Variants in DGKB observed in about 807,000 individuals in gnomAD.
The protein encoded by DGKB is diacylglycerol kinase beta, also known as 90 kDa diacylglycerol kinase.
A neutral mutation model predicts 114.3 loss-of-function variants in DGKB; 67 were observed. That is an observed-to-expected ratio of 0.59 (90% CI 0.48 to 0.72). The LOEUF (loss-of-function observed/expected upper bound fraction) is 0.72. DGKB is among the 30% of genes least tolerant of loss of function. DGKB has a pLI of 0.00. For synonymous variants in DGKB, 398 were observed against 323.1 expected, an observed-to-expected ratio of 1.23 and a Z score of -2.49; for missense variants, 907 against 975.2, an observed-to-expected ratio of 0.93 and a Z score of 0.93.
Position 14,730,003 on chromosome 7 carries a change from G to T in DGKB, c.322+6038C>A, listed in dbSNP as rs201420080. On this transcript the variant is annotated intron_variant, in intron 5 of 25. Coordinates refer to ENST00000402815, the MANE Select transcript of DGKB (RefSeq NM_001350709.2). ...TTCTTTCTTATAAAACAATTAGGAA[G>T]AAACAACAACAAAAACTGTTACGCT... Among the ~76,000 whole-genome samples the T allele has an allele frequency of 7.2e-5, 11 of 152,096 alleles. No individual in the cohort carries two copies. The East Asian group carries it at 2.1e-3, about 29-fold the overall frequency.
intron 9 of DGKB, among the ~76,000 whole-genome samples, chr7:14,693,832 CA>C (rs1394121854): frequency 2.0e-5 from 3 of 151,862 alleles, no homozygotes; most frequent in Non-Finnish European, 4.4e-5. Context: ...CAGAGGAAAA[CA>C]AAAGAGAGAG....
At chr7:14,616,416 T>C (rs936271051) in intron 15 of DGKB, among the ~76,000 whole-genome samples, 7 of 151,592 alleles carry the variant, frequency 4.6e-5, no homozygotes, top group African/African-American at 1.7e-4. Flanking sequence ...ATCCAATCTG[T>C]CTATGAATTT....
chr7:14,178,414 A>G (rs763039600), intron 23 of DGKB, among the ~76,000 whole-genome samples: 4,923 of 79,316 alleles, frequency 0.062, 87 homozygotes, highest in African/African-American at 0.21. Context: ...TAATACCAAA[A>G]AAAAAAAAAA....
intron 1 of DGKB, among the ~76,000 whole-genome samples, chr7:14,949,138 A>T (rs577896025): frequency 6.6e-6 from 1 of 151,848 alleles, no homozygotes; most frequent in South Asian, 2.1e-4. Flanking sequence ...AAATACGAAA[A>T]AACAGGTATT....
intron 23 of DGKB, among the ~76,000 whole-genome samples, chr7:14,257,718 TA>T (rs1311403289): frequency 1.3e-5 from 2 of 152,088 alleles, no homozygotes; most frequent in Non-Finnish European, 2.9e-5. Flanking sequence ...ATGAGTCTAT[TA>T]AACCTTTTAT....
intron 2 of DGKB, among the ~76,000 whole-genome samples, chr7:14,835,606 G>T (rs1307249412): frequency 6.6e-6 from 1 of 152,118 alleles, no homozygotes; most frequent in African/African-American, 2.4e-5. Context: ...GCTAATCTCA[G>T]CATGACAAAC....
intron 10 of DGKB, among the ~76,000 whole-genome samples, chr7:14,683,277 T>A (rs1821142242): frequency 1.3e-5 from 2 of 152,164 alleles, no homozygotes. Flanking sequence ...TGTTATTTTG[T>A]CTCTTATCTA....
chr7:14,713,769 A>G (rs1827743115), intron 6 of DGKB, among the ~76,000 whole-genome samples: 1 of 151,952 alleles, frequency 6.6e-6, no homozygotes, highest in Admixed American at 6.6e-5. Context: ...CTTACTATTC[A>G]GTCTCCATAT....
At chr7:14,906,017 C>T (rs1161449509), upstream of DGKB, among the ~76,000 whole-genome samples, 1 of 152,116 alleles carries the variant, frequency 6.6e-6, no homozygotes, top group Non-Finnish European at 1.5e-5. Flanking sequence ...CAGAACTGCA[C>T]AATAATGCCT....
chr7:14,405,727 A>G (rs887416362), intron 21 of DGKB, among the ~76,000 whole-genome samples: 5 of 152,058 alleles, frequency 3.3e-5, no homozygotes, highest in Non-Finnish European at 5.9e-5. Flanking sequence ...AGGACTTTGT[A>G]TGTGAGAGAG....
rs940275734 is a variant in DGKB, at chr7:14,944,956, T to C, written c.-188+29740A>G. Among the ~76,000 whole-genome samples, 157 of 151,846 alleles carry C rather than the reference T, an allele frequency of 1.0e-3. 1 individual carries two copies. Among genetic ancestry groups the C allele is most frequent in the African/African-American group, 3.5e-3 (146 of 41,488 alleles). On this transcript the variant is annotated intron_variant, in intron 1 of 4. Transcript: ENST00000437998. The stretch of plus-strand genomic sequence containing the variant: ...ATACCATAATCATATGATTATCACC[T>C]GAAAATAATCTAGTAGAAAAATAAC...
chr7:14,420,063 TATTG>T (rs1214371560), intron 21 of DGKB, among the ~76,000 whole-genome samples: 2 of 152,048 alleles, frequency 1.3e-5, no homozygotes, highest in African/African-American at 2.4e-5. Flanking sequence ...ACATCAATAT[TATTG>T]ATTATTTTAA....
intron 21 of DGKB, among the ~76,000 whole-genome samples, chr7:14,397,817 C>T (rs1822479760): frequency 6.6e-6 from 1 of 151,966 alleles, no homozygotes; most frequent in Non-Finnish European, 1.5e-5. Flanking sequence ...TGAATGCTTT[C>T]TTATGTCAAG....
chr7:14,751,553 A>T (rs1412797699), intron 4 of DGKB, among the ~76,000 whole-genome samples: 3 of 152,216 alleles, frequency 2.0e-5, no homozygotes, highest in African/African-American at 7.2e-5. Context: ...AAGCAGAAAT[A>T]CTGGTTAACA....
At chr7:14,888,737 C>T (rs1283431820) in intron 1 of DGKB, among the ~76,000 whole-genome samples, 1 of 151,670 alleles carries the variant, frequency 6.6e-6, no homozygotes, top group Non-Finnish European at 1.5e-5. Flanking sequence ...TTTTGTATAT[C>T]TGAAAATTGT....
chr7:14,375,321 T>C (rs1200023399), intron 21 of DGKB, among the ~76,000 whole-genome samples: 2 of 152,252 alleles, frequency 1.3e-5, no homozygotes, highest in East Asian at 3.9e-4. Context: ...CCTTTGCTGA[T>C]GTTTCTTTTG....
chr7:14,400,391 T>A (rs1372271866), intron 21 of DGKB, among the ~76,000 whole-genome samples: 1 of 151,824 alleles, frequency 6.6e-6, no homozygotes, highest in East Asian at 1.9e-4. Context: ...CAAGTACAAG[T>A]ATATACTCTG....
At chr7:14,308,436 T>C (rs773920520) in intron 23 of DGKB, among the ~76,000 whole-genome samples, 34 of 152,180 alleles carry the variant, frequency 2.2e-4, no homozygotes, top group Non-Finnish European at 4.0e-4. Context: ...TTAGATACTA[T>C]TAAATGGTAT....
At chr7:14,597,769 G>C (rs556312075) in intron 17 of DGKB, among the ~76,000 whole-genome samples, 1 of 151,882 alleles carries the variant, frequency 6.6e-6, no homozygotes, top group Admixed American at 6.6e-5. Flanking sequence ...TATTATTTTG[G>C]TCCAGAAGGT....
Sources: gnomAD v4.1 joint callset for allele counts (sites outside exome capture counted in the v4.1 genomes callset) on GRCh38, gnomAD v4.1.1 for gene constraint, MANE v1.5 for transcripts, NCBI Gene and HGNC (gene_info 2026-07-23, HGNC 2026-07-21) for gene names.